Variants in CLTA observed in about 807,000 individuals in gnomAD.
The protein encoded by CLTA is clathrin, light polypeptide (Lca).
Under a neutral mutation model 26.9 loss-of-function variants are expected in CLTA, and 9 were observed. The observed-to-expected ratio is 0.33, with a 90% confidence interval of 0.20 to 0.58. The LOEUF is 0.58. Among genes scored for constraint, CLTA ranks in the 20% least tolerant of loss-of-function variants. CLTA has a pLI of 0.85. For missense variants in CLTA, 278 were observed against 294.2 expected, an observed-to-expected ratio of 0.94 and a Z score of 0.40; for synonymous variants, 120 against 115.5, an observed-to-expected ratio of 1.04 and a Z score of -0.25.
intron 1 of CLTA, among the ~76,000 whole-genome samples, chr9:36,193,273 A>G (rs1313230031): frequency 6.6e-6 from 1 of 151,872 alleles, no homozygotes; most frequent in African/African-American, 2.4e-5. Context: ...TGGAGTTTAG[A>G]GAACTGATTG....
intron 4 of CLTA, chr9:36,209,380 T>A: frequency 1.5e-6 from 2 of 1,301,870 alleles, no homozygotes; most frequent in African/African-American, 1.5e-5. Context: ...TGTTTAGAGT[T>A]AATGCTCCTT....
rs1233539228 is a variant in CLTA, at chr9:36,191,252, G to T, written c.196G>T (p.Gly66Cys). The T allele has an allele frequency of 3.3e-6, 5 of 1,530,752 alleles. 1 individual carries two copies. Among genetic ancestry groups the T allele is most frequent in the Non-Finnish European group, 1.7e-6 (2 of 1,143,476 alleles). The allele number at this position is 1,530,752 out of a possible 1,614,324, so 94.8% of individuals were successfully genotyped here. A position where few individuals can be genotyped will look rare whatever the true frequency, so the allele number is the denominator to read the frequency against. Reference sequence around the variant, plus strand: ...CGGCGCCCCCGGGCCCCAGCCGCACGGCGAGCCGCCGGGGGGTCCGGGTGA... The same window carrying T: ...CGGCGCCCCCGGGCCCCAGCCGCACTGCGAGCCGCCGGGGGGTCCGGGTGA... ...DGGAPGPQPH[G>C]EPPGGPDAVD... The change falls in exon 1 of 5, where the codon GGC (glycine) becomes TGC (cysteine). Residue 66 changes from glycine to cysteine, a missense_variant. Coordinates refer to ENST00000345519, the MANE Select transcript of CLTA (RefSeq NM_001833.4).
intron 4 of CLTA, among the ~76,000 whole-genome samples, chr9:36,208,818 G>C (rs936659568): frequency 1.3e-5 from 2 of 152,206 alleles, no homozygotes; most frequent in Non-Finnish European, 2.9e-5. Flanking sequence ...GGCTGCCTTG[G>C]TTGTGAGTCC....
upstream of CLTA, chr9:36,190,914 A>G: frequency 1.5e-6 from 2 of 1,365,060 alleles, no homozygotes; most frequent in Non-Finnish European, 9.5e-7. Context: ...ATACACGGGT[A>G]GGGCTTCCGC....
Position 36,190,952 on chromosome 9 carries a change from C to A in CLTA, c.-105C>A, listed in dbSNP as rs921291488. ...TACCCGTCTCCCTCCTGGCGCTTGT[C>A]CTCCTCTCCCAGTCGGCACCACAGC... On this transcript the variant is annotated 5_prime_UTR_variant, in exon 1 of 5. Transcript: ENST00000345519. 6.3e-6 allele frequency: 9 copies of A among 1,435,414 alleles called. No individual in the cohort carries two copies. The African/African-American group carries it at 1.3e-4, about 21-fold the overall frequency. The allele number at this position is 1,435,414 out of a possible 1,614,324, so 88.9% of individuals were successfully genotyped here.
chr9:36,200,485 T>C (rs1333290674), intron 3 of CLTA, among the ~76,000 whole-genome samples: 1 of 152,230 alleles, frequency 6.6e-6, no homozygotes, highest in Non-Finnish European at 1.5e-5. Flanking sequence ...TTGGGAACTG[T>C]TGAACTAGTG....
intron 3 of CLTA, 105 bp downstream of exon 3, chr9:36,199,201 G>T: frequency 1.3e-6 from 1 of 779,822 alleles, no homozygotes; most frequent in Non-Finnish European, 2.3e-6. Flanking sequence ...TCATTGTCTG[G>T]TCTTTGGGAA....
intron 3 of CLTA, among the ~76,000 whole-genome samples, chr9:36,200,279 A>AC (rs1286876927): frequency 6.6e-6 from 1 of 152,106 alleles, no homozygotes; most frequent in Non-Finnish European, 1.5e-5. Context: ...AAACATGTGC[A>AC]CCCCCAGATT....
intron 4 of CLTA, among the ~76,000 whole-genome samples, chr9:36,206,621 C>T (rs888680764): frequency 4.6e-5 from 7 of 152,276 alleles, no homozygotes; most frequent in Non-Finnish European, 8.8e-5. Context: ...GGGCCGGACA[C>T]CGTGACTCAA....
intron 3 of CLTA, among the ~76,000 whole-genome samples, chr9:36,203,644 A>G (rs760382435): frequency 6.6e-6 from 1 of 152,250 alleles, no homozygotes; most frequent in Non-Finnish European, 1.5e-5. Context: ...ATACCCTACT[A>G]TGAACTAATA....
intron 3 of CLTA, among the ~76,000 whole-genome samples, chr9:36,199,517 T>G (rs1003618307): frequency 2.6e-5 from 4 of 151,520 alleles, no homozygotes; most frequent in African/African-American, 9.7e-5. Flanking sequence ...TGGTGCGATC[T>G]CGGCTCATTG....
intron 3 of CLTA, among the ~76,000 whole-genome samples, chr9:36,199,842 A>T (rs1238500409): frequency 6.6e-6 from 1 of 152,230 alleles, no homozygotes; most frequent in African/African-American, 2.4e-5. Context: ...TGTTTTTCCT[A>T]CCTTAATATC....
intron 4 of CLTA, chr9:36,210,648 A>G (rs1296955095): frequency 1.2e-6 from 2 of 1,614,038 alleles, no homozygotes; most frequent in Non-Finnish European, 1.7e-6. Context: ...CATCCTTGCT[A>G]CAGCCTAGAA....
intron 1 of CLTA, among the ~76,000 whole-genome samples, chr9:36,197,062 C>T (rs1242057268): frequency 6.6e-6 from 1 of 152,178 alleles, no homozygotes; most frequent in Non-Finnish European, 1.5e-5. Flanking sequence ...GCAATCCCAG[C>T]TCCTGTGGGG....
intron 4 of CLTA, among the ~76,000 whole-genome samples, chr9:36,207,723 C>G (rs1261738474): frequency 6.6e-6 from 1 of 152,218 alleles, no homozygotes; most frequent in African/African-American, 2.4e-5. Flanking sequence ...TGGTCTTGGG[C>G]TAGCTGCAAA....
chr9:36,204,600 C>T (rs1427068519), intron 4 of CLTA, among the ~76,000 whole-genome samples: 1 of 152,068 alleles, frequency 6.6e-6, no homozygotes, highest in Non-Finnish European at 1.5e-5. Flanking sequence ...GGTCCGTTGG[C>T]AGGAATATGT....
intron 4 of CLTA, among the ~76,000 whole-genome samples, chr9:36,206,131 C>G (rs1827711407): frequency 6.6e-6 from 1 of 152,096 alleles, no homozygotes; most frequent in Admixed American, 6.6e-5. Flanking sequence ...GCCTTGGTAC[C>G]TTTCTGTACT....
At chr9:36,192,820 A>G (rs1329193560) in intron 1 of CLTA, among the ~76,000 whole-genome samples, 1 of 152,228 alleles carries the variant, frequency 6.6e-6, no homozygotes, top group Admixed American at 6.5e-5. Flanking sequence ...GCAGGGGTGT[A>G]GTGCGATAAC....
chr9:36,206,450 C>A (rs2132935760), intron 4 of CLTA, among the ~76,000 whole-genome samples: 1 of 152,246 alleles, frequency 6.6e-6, no homozygotes, highest in East Asian at 1.9e-4. Context: ...TCTACACCCT[C>A]CCCTGGAGAT....
Sources: allele counts gnomAD v4.1 joint callset (sites outside exome capture counted in the v4.1 genomes callset), GRCh38; gene constraint gnomAD v4.1.1; transcripts MANE v1.5; gene names NCBI Gene and HGNC (gene_info 2026-07-23, HGNC 2026-07-21).